SHOX: variants seen among roughly 807,000 people sequenced by gnomAD.
The protein encoded by SHOX is SHOX homeobox.
A neutral mutation model predicts 29.6 loss-of-function variants in SHOX; 12 were observed. That is an observed-to-expected ratio of 0.41 (90% CI 0.26 to 0.66). SHOX has a LOEUF of 0.66. Ranked by LOEUF, SHOX falls within the 30% of genes least tolerant of loss-of-function variation. The probability of loss-of-function intolerance (pLI) is 0.35; values close to 1 mark genes in which losing one functional copy is unlikely to be tolerated. For missense variants in SHOX, 499 were observed against 437.7 expected (o/e 1.14, Z -1.25); for synonymous variants, 214 against 200.6 (o/e 1.07, Z -0.57).
Position 631,002 on chromosome X carries a change from C to A in SHOX, c.105C>A (p.Tyr35Ter). ...GAGGTAAGAAGGATTCCATTACGTA[C>A]CGGGAAGTTTTGGAGAGCGGACTGG... is the stretch of plus-strand genomic sequence containing the variant. ...GGGGKKDSIT[Y>*]REVLESGLAR... The change falls in exon 1 of 5, where the codon TAC becomes TAA. Residue 35 changes from tyrosine to a stop codon, truncating the protein, a stop_gained. Transcript: ENST00000686671. LOFTEE classifies it high-confidence loss of function. 1 of 1,613,854 alleles carries A rather than the reference C, an allele frequency of 6.2e-7. No homozygotes were observed. Among genetic ancestry groups the A allele is most frequent in the Non-Finnish European group, 8.5e-7 (1 of 1,179,846 alleles).
chrX:644,757 C>G lies in SHOX; in HGVS notation c.*121C>G, dbSNP rs2052934043. On this transcript the variant is annotated 3_prime_UTR_variant, in exon 5 of 5. Coordinates refer to ENST00000686671, the MANE Select transcript of SHOX (RefSeq NM_000451.4). ...CGCGGCCACCGTGCTCCGGGCACCCCGGGAGCTCCTGCAAGAGGCCTGAGG... is the reference window on the plus strand; with the variant it reads ...CGCGGCCACCGTGCTCCGGGCACCCGGGGAGCTCCTGCAAGAGGCCTGAGG... The G allele has an allele frequency of 7.7e-7, 1 of 1,292,050 alleles. No individual in the cohort carries two copies. Among genetic ancestry groups the G allele is most frequent in the Admixed American group, 4.1e-5 (1 of 24,144 alleles). The allele number at this position is 1,292,050 out of a possible 1,614,324, so 80.0% of individuals were successfully genotyped here.
rs1569495993 is a variant in SHOX at position 650,809 on chromosome X, A to AAC, written c.*6174_*6175insCA. On this transcript the variant is annotated 3_prime_UTR_variant, in exon 5 of 5. Coordinates refer to ENST00000686671, the MANE Select transcript of SHOX (RefSeq NM_000451.4). ...TTTGACATTAAAAAAAAAAAAAAAA[A>AAC]AAAAAAAAAACTGGTGCCTAATTTA... Among the ~76,000 whole-genome samples, 73 of 148,520 alleles carry AAC rather than the reference A, an allele frequency of 4.9e-4. No individual in the cohort carries two copies. Among genetic ancestry groups the AAC allele is most frequent in the African/African-American group, 1.7e-3 (67 of 39,422 alleles).
intron 1 of SHOX, among the ~76,000 whole-genome samples, chrX:634,249 C>G (rs2052700183): frequency 6.6e-6 from 1 of 152,192 alleles, no homozygotes; most frequent in Admixed American, 6.5e-5. Flanking sequence ...CCCGGGCGTC[C>G]CGCCGGGGAT....
chrX:641,036 C>A lies in SHOX; in HGVS notation c.582C>A (p.Cys194Ter), dbSNP rs1170991098. The change falls in exon 4 of 5, where the codon TGC (cysteine) becomes TGA (stop). Residue 194 changes from cysteine (C) to a stop codon, truncating the protein, a stop_gained. Coordinates refer to ENST00000686671, the MANE Select transcript of SHOX (RefSeq NM_000451.4). LOFTEE classifies it high-confidence loss of function. The part of the protein sequence containing the change: ...ILGTANHLDA[C>*]RVAPYVNMGA... The stretch of plus-strand genomic sequence containing the variant: ...GCACAGCCAACCACCTAGACGCCTG[C>A]CGAGTGGCACCCTACGTCAACATGG... The A allele has an allele frequency of 6.2e-7, 1 of 1,613,854 alleles. No individual in the cohort carries two copies. Among genetic ancestry groups the A allele is most frequent in the Non-Finnish European group, 8.5e-7 (1 of 1,179,834 alleles).
In SHOX at chrX:650,024, C is replaced by T; in HGVS notation, c.*5388C>T. 2.2e-6 allele frequency: 1 copy of T among 456,012 alleles called. No individual in the cohort carries two copies. The highest frequency in any genetic ancestry group is 4.4e-6 in the Non-Finnish European group (1 of 226,796). The allele number at this position is 456,012 out of a possible 1,614,324, so 28.2% of individuals were successfully genotyped here. A position where few individuals can be genotyped will look rare whatever the true frequency, so the allele number is the denominator to read the frequency against. ...CGTTCGAGTCTCTGACTGGTGCATA[C>T]TTTGCAAAGGTGTGTTCCTGGCAAT... On this transcript the variant is annotated 3_prime_UTR_variant, in exon 5 of 5. Transcript: ENST00000686671.
rs371048081 is a variant in SHOX at position 641,052 on chromosome X, G to A, written c.598G>A (p.Val200Ile). ...AGACGCCTGCCGAGTGGCACCCTAC[G>A]TCAACATGGGAGCCTTACGGATGCC... ...HLDACRVAPYVNMGALRMPFQ... is the reference protein window; with the variant it reads ...HLDACRVAPYINMGALRMPFQ... Residue 200 changes from valine (V) to isoleucine (I), a missense_variant, in exon 4 of 5, where the codon GTC becomes ATC. Physicochemically the swap from Val to Ile is conservative, Grantham distance 29 (BLOSUM62 3). Transcript: ENST00000686671. 1.7e-5 allele frequency: 27 copies of A among 1,613,676 alleles called. No individual in the cohort carries two copies. Among genetic ancestry groups the A allele is most frequent in the South Asian group, 1.1e-4 (10 of 91,046 alleles).
upstream of SHOX, among the ~76,000 whole-genome samples, chrX:628,748 T>C (rs189094476): frequency 8.5e-4 from 8 of 9,414 alleles, no homozygotes; most frequent in South Asian, 2.9e-3. Flanking sequence ...TCTCTCTCTC[T>C]ATCTGTCTGT....
At position 647,060 on chromosome X, in the gene SHOX, C is replaced by T. The variant is rs1488074468; in HGVS notation, c.*2424C>T. Among the ~76,000 whole-genome samples, 1 of 152,182 alleles carries T rather than the reference C, an allele frequency of 6.6e-6. No homozygotes were observed. The highest frequency in any genetic ancestry group is 1.9e-4 in the East Asian group (1 of 5,198). On this transcript the variant is annotated 3_prime_UTR_variant, in exon 5 of 5. Coordinates refer to ENST00000686671, the MANE Select transcript of SHOX (RefSeq NM_000451.4). ...CTCCACGTGAGTAGAAAGACATCTA[C>T]CTGGTCCCTGTAGAATCTGAACGTT...
In SHOX at chrX:646,503, G is replaced by A. The variant is rs1316096798; in HGVS notation, c.*1867G>A. On this transcript the variant is annotated 3_prime_UTR_variant, in exon 5 of 5. Coordinates refer to ENST00000686671, the MANE Select transcript of SHOX (RefSeq NM_000451.4). ...TTGGTGGTTTTCTTTCCTAACTTCTGATTTAGATACTTCTCCCTGAGGTGG... is the reference window on the plus strand; with the variant it reads ...TTGGTGGTTTTCTTTCCTAACTTCTAATTTAGATACTTCTCCCTGAGGTGG... 1 of 150,932 alleles carries A rather than the reference G, an allele frequency of 6.6e-6. No homozygotes were observed. Among genetic ancestry groups the A allele is most frequent in the Non-Finnish European group, 1.5e-5 (1 of 67,908 alleles). 9.3% of individuals were successfully genotyped at this position (150,932 alleles called of 1,614,324 possible).
chrX:636,934 T>C (rs1331606623), intron 2 of SHOX, among the ~76,000 whole-genome samples: 2 of 121,668 alleles, frequency 1.6e-5, no homozygotes, highest in African/African-American at 7.4e-5. Context: ...TTTTACGAGC[T>C]CTTTCATTTA....
At position 648,932 on chromosome X, in the gene SHOX, C is replaced by CTCTT. The variant is rs1165258876; in HGVS notation, c.*4306_*4309dup. Reference sequence around the variant, plus strand: ...CCTTTCTTTCTTTTTCTTTCTTTCTCTCTTTCTTTCTTTTCTTTCTTTCTG... The same window carrying CTCTT: ...CCTTTCTTTCTTTTTCTTTCTTTCTCTCTTTCTTTCTTTCTTTTCTTTCTTTCTG... On this transcript the variant is annotated 3_prime_UTR_variant, in exon 5 of 5. Transcript: ENST00000686671. 2.6e-5 allele frequency among the ~76,000 whole-genome samples: 2 copies of CTCTT among 78,072 alleles called. No homozygotes were observed. Among genetic ancestry groups the CTCTT allele is most frequent in the South Asian group, 6.3e-4 (2 of 3,194 alleles). The allele number at this position is 78,072 out of a possible 152,430, so 51.2% of individuals were successfully genotyped here.
upstream of SHOX, among the ~76,000 whole-genome samples, chrX:629,423 CTCTG>C (rs1164852098): frequency 6.6e-6 from 1 of 151,384 alleles, no homozygotes; most frequent in Non-Finnish European, 1.5e-5. Context: ...GTCTTTCCCC[CTCTG>C]TCTCTTTCTC....
intron 1 of SHOX, among the ~76,000 whole-genome samples, chrX:625,167 C>G (rs2052499052): frequency 7.4e-6 from 1 of 134,404 alleles, no homozygotes; most frequent in African/African-American, 2.8e-5. Flanking sequence ...CTTCCTTCCC[C>G]CATCCTCCCC....
At chrX:631,942 C>T (rs1438506574) in intron 1 of SHOX, 1 of 456,086 alleles carries the variant, frequency 2.2e-6, no homozygotes, top group East Asian at 7.0e-5. Flanking sequence ...CAGCGCTCAG[C>T]GCCTGCCGGG....
At chrX:655,582 C>CTG (rs2053127517), downstream of SHOX, among the ~76,000 whole-genome samples, 1 of 55,862 alleles carries the variant, frequency 1.8e-5, no homozygotes, top group African/African-American at 6.7e-5. Flanking sequence ...CTCTCTCTCT[C>CTG]TCTCTCTCTC....
At chrX:655,671 T>C (rs1457990206), downstream of SHOX, among the ~76,000 whole-genome samples, 2 of 141,616 alleles carry the variant, frequency 1.4e-5, no homozygotes, top group African/African-American at 5.2e-5. Context: ...TTTCAAAAAT[T>C]GCTGGGTGAC....
At position 625,052 on chromosome X, in the gene SHOX, TTCCTTCC is replaced by T. The variant is rs2052492885; in HGVS notation, c.-433+454_-433+460del. ...TCCCTCCTTTCCTTTCCTCCCTCTG[TTCCTTCC>T]TCCCTCCCTCCCTCCTTCTCTCCCT... On this transcript the variant is annotated intron_variant, in intron 1 of 5. Coordinates refer to the SHOX transcript ENST00000334060. 4.7e-5 allele frequency among the ~76,000 whole-genome samples: 3 copies of T among 64,184 alleles called. No individual in the cohort carries two copies. In the South Asian group the frequency reaches 1.2e-3, roughly 25 times the overall value. The allele number at this position is 64,184 out of a possible 152,430, so 42.1% of individuals were successfully genotyped here.
chrX:627,196 G>A (rs2052553553), upstream of SHOX, among the ~76,000 whole-genome samples: 1 of 152,208 alleles, frequency 6.6e-6, no homozygotes, highest in Non-Finnish European at 1.5e-5. Context: ...GCTGTAAAAT[G>A]TCAATGCAAA....
intron 2 of SHOX, among the ~76,000 whole-genome samples, chrX:640,432 C>T (rs1399989466): frequency 6.6e-5 from 10 of 150,666 alleles, no homozygotes; most frequent in Admixed American, 4.6e-4. Context: ...CAAAATTAGC[C>T]GGGCATGGTG....
Sources: gnomAD v4.1 joint callset for allele counts (sites outside exome capture counted in the v4.1 genomes callset) on GRCh38, gnomAD v4.1.1 for gene constraint, MANE v1.5 for transcripts, NCBI Gene and HGNC (gene_info 2026-07-23, HGNC 2026-07-21) for gene names.